Variants in PRICKLE1 observed in about 807,000 individuals in gnomAD.
PRICKLE1 encodes prickle planar cell polarity protein 1.
In PRICKLE1, 14 loss-of-function variants were observed where a neutral mutation model predicts 70.2. That is an observed-to-expected ratio of 0.20 (90% CI 0.13 to 0.31). The LOEUF (loss-of-function observed/expected upper bound fraction) is 0.31. PRICKLE1 is among the 10% of genes least tolerant of loss of function. The pLI, the probability that PRICKLE1 is intolerant of heterozygous loss-of-function variation, is 1.00. For missense variants in PRICKLE1, 821 were observed against 1,026.2 expected, an observed-to-expected ratio of 0.80 and a Z score of 2.73; for synonymous variants, 357 against 379.9, an observed-to-expected ratio of 0.94 and a Z score of 0.70.
chr12:42,481,560 T>G (rs1322346057), intron 1 of PRICKLE1, among the ~76,000 whole-genome samples: 2 of 152,220 alleles, frequency 1.3e-5, no homozygotes, highest in Admixed American at 6.5e-5. Flanking sequence ...ACAAACTGCT[T>G]AACAGCTTCT....
At chr12:42,481,292 A>G (rs1938783673) in intron 1 of PRICKLE1, among the ~76,000 whole-genome samples, 1 of 152,238 alleles carries the variant, frequency 6.6e-6, no homozygotes, top group Non-Finnish European at 1.5e-5. Flanking sequence ...AGTAATTGTC[A>G]GGGCCTGCCA....
Position 42,465,209 on chromosome 12 carries a change from C to T in PRICKLE1, c.825G>A (p.Thr275=), listed in dbSNP as rs368347802. 5.0e-6 allele frequency: 8 copies of T among 1,612,936 alleles called. No homozygotes were observed. Among genetic ancestry groups the T allele is most frequent in the East Asian group, 2.2e-5 (1 of 44,892 alleles). Residue 275 remains threonine (T), a synonymous_variant, in exon 7 of 8, where the codon ACG becomes ACA. Transcript: ENST00000345127. ...MTYDGQHWHA[T]EACFSCAQCK... ...ACTGGGCACAAGAAAAGCAGGCTTC[C>T]GTGGCGTGCCAGTGCTGCCCGTCAT...
At chr12:42,472,315 A>T in intron 2 of PRICKLE1, 70 bp downstream of exon 2, 1 of 1,557,828 alleles carries the variant, frequency 6.4e-7, no homozygotes. Flanking sequence ...ATCCATTTAC[A>T]AAATAATGTT....
chr12:42,473,687 GA>G (rs1458065816), intron 1 of PRICKLE1, among the ~76,000 whole-genome samples: 55 of 152,250 alleles, frequency 3.6e-4, no homozygotes, highest in African/African-American at 1.3e-3. Context: ...TGATTTTAGA[GA>G]AAACAAGATT....
intron 1 of PRICKLE1, among the ~76,000 whole-genome samples, chr12:42,566,038 A>C (rs1371039512): frequency 2.0e-5 from 3 of 152,204 alleles, no homozygotes; most frequent in Non-Finnish European, 4.4e-5. Context: ...GGCCAGGGAG[A>C]GACTGGCAGG....
At chr12:42,564,562 G>A (rs1242542757) in intron 1 of PRICKLE1, among the ~76,000 whole-genome samples, 1 of 151,994 alleles carries the variant, frequency 6.6e-6, no homozygotes, top group Non-Finnish European at 1.5e-5. Context: ...GAGCTGAGAT[G>A]GTGCCACTGC....
At chr12:42,582,031 A>G (rs1296480671) in intron 1 of PRICKLE1, among the ~76,000 whole-genome samples, 1 of 151,864 alleles carries the variant, frequency 6.6e-6, no homozygotes, top group Middle Eastern at 3.2e-3. Context: ...TCAGAAGGTT[A>G]AAAAAAATAT....
intron 1 of PRICKLE1, among the ~76,000 whole-genome samples, chr12:42,478,168 AT>A (rs1029698344): frequency 3.3e-5 from 5 of 151,808 alleles, no homozygotes; most frequent in Admixed American, 2.6e-4. Context: ...TTGAGAGTGT[AT>A]TTTTTTACAT....
chr12:42,485,129 G>A (rs965007091), intron 1 of PRICKLE1, among the ~76,000 whole-genome samples: 1 of 150,610 alleles, frequency 6.6e-6, no homozygotes, highest in Non-Finnish European at 1.5e-5. Flanking sequence ...ATAGCTCATT[G>A]TAACTGTGAT....
chr12:42,473,072 G>A (rs1289461644), intron 1 of PRICKLE1, among the ~76,000 whole-genome samples: 1 of 152,204 alleles, frequency 6.6e-6, no homozygotes, highest in Admixed American at 6.5e-5. Flanking sequence ...GGTCCACTCA[G>A]CCAAACTGCT....
At chr12:42,575,958 T>C (rs1440007408) in intron 1 of PRICKLE1, among the ~76,000 whole-genome samples, 4 of 152,194 alleles carry the variant, frequency 2.6e-5, no homozygotes, top group Admixed American at 6.5e-5. Flanking sequence ...CACATTTCTC[T>C]ATTCCTGCCT....
At chr12:42,518,552 C>G (rs1939649985) in intron 1 of PRICKLE1, among the ~76,000 whole-genome samples, 1 of 152,158 alleles carries the variant, frequency 6.6e-6, no homozygotes, top group African/African-American at 2.4e-5. Context: ...ACAACAGCTG[C>G]CAACCTAAAT....
At chr12:42,511,631 T>C (rs1939515985) in intron 1 of PRICKLE1, among the ~76,000 whole-genome samples, 1 of 152,172 alleles carries the variant, frequency 6.6e-6, no homozygotes, top group Non-Finnish European at 1.5e-5. Flanking sequence ...GGAAATCCAA[T>C]GTCTGTGAAA....
At chr12:42,461,807 AT>A (rs1370700297) in intron 7 of PRICKLE1, among the ~76,000 whole-genome samples, 2 of 151,388 alleles carry the variant, frequency 1.3e-5, no homozygotes, top group South Asian at 2.1e-4. Flanking sequence ...CTTCGTACTT[AT>A]TTTTTTTTGA....
chr12:42,489,443 T>C (rs1939051173), intron 1 of PRICKLE1, among the ~76,000 whole-genome samples: 2 of 150,036 alleles, frequency 1.3e-5, no homozygotes, highest in African/African-American at 4.9e-5. Flanking sequence ...GCAGATCACT[T>C]GAGGTGAGGA....
chr12:42,491,780 CTTT>C (rs57837176), intron 1 of PRICKLE1, among the ~76,000 whole-genome samples: 1 of 124,462 alleles, frequency 8.0e-6, no homozygotes. Flanking sequence ...ACTGCTCCAT[CTTT>C]TTTTTTTTTT....
intron 1 of PRICKLE1, among the ~76,000 whole-genome samples, chr12:42,553,012 G>C (rs1419138515): frequency 3.3e-5 from 5 of 152,208 alleles, no homozygotes; most frequent in Admixed American, 3.3e-4. Flanking sequence ...TGTATTGCTC[G>C]CTGGCCGGCG....
At chr12:42,542,685 GTATTAAAAAATGTTTTAATAGAAGCTA>G (rs1341750522) in intron 1 of PRICKLE1, among the ~76,000 whole-genome samples, 1 of 152,074 alleles carries the variant, frequency 6.6e-6, no homozygotes, top group African/African-American at 2.4e-5. Context: ...TGCCTTTGTT[GTATTAAAAAATGTTTTAATAGAAGCTA>G]TTTCTTTCTC....
intron 1 of PRICKLE1, among the ~76,000 whole-genome samples, chr12:42,544,975 C>T (rs1940181828): frequency 8.2e-6 from 1 of 122,556 alleles, no homozygotes; most frequent in Non-Finnish European, 1.7e-5. Flanking sequence ...GCTCCTAGGA[C>T]TACCACGCTG....
Sources: gnomAD v4.1 joint callset for allele counts (sites outside exome capture counted in the v4.1 genomes callset) on GRCh38, gnomAD v4.1.1 for gene constraint, MANE v1.5 for transcripts, NCBI Gene and HGNC (gene_info 2026-07-23, HGNC 2026-07-21) for gene names.